Variants in PTK2B observed in about 807,000 individuals in gnomAD.
PTK2B encodes protein-tyrosine kinase 2-beta.
PTK2B carries 71 observed loss-of-function variants against 142.9 expected under a neutral mutation model. The ratio of observed to expected loss-of-function variants is 0.50; its 90% CI spans 0.41 to 0.61. The LOEUF is 0.61. Among genes scored for constraint, PTK2B ranks in the 20% least tolerant of loss-of-function variants. The probability of loss-of-function intolerance (pLI) is 0.00; values close to 1 mark genes in which losing one functional copy is unlikely to be tolerated. For missense variants in PTK2B, 1,105 were observed against 1,320.4 expected, an observed-to-expected ratio of 0.84 and a Z score of 2.53; for synonymous variants, 519 against 503.4, an observed-to-expected ratio of 1.03 and a Z score of -0.42.
At chr8:27,337,469 C>T (rs1450206762) in intron 1 of PTK2B, among the ~76,000 whole-genome samples, 1 of 152,126 alleles carries the variant, frequency 6.6e-6, no homozygotes, top group Admixed American at 6.5e-5. Flanking sequence ...AGAATATTCT[C>T]GTCACTCCAA....
At chr8:27,411,002 G>T (rs1291914572) in intron 2 of PTK2B, among the ~76,000 whole-genome samples, 2 of 152,252 alleles carry the variant, frequency 1.3e-5, no homozygotes, top group Non-Finnish European at 2.9e-5. Context: ...AAGCCCTCCT[G>T]TGGGAAGAAG....
At chr8:27,311,176 G>C (rs202177601), upstream of PTK2B, 93 of 1,606,426 alleles carry the variant, frequency 5.8e-5, no homozygotes, top group East Asian at 1.4e-3. Flanking sequence ...AGACGGCGCA[G>C]AGCAACTCCT....
At chr8:27,450,641 C>A in intron 24 of PTK2B, 108 bp from the exon 25 acceptor site, 1 of 1,387,516 alleles carries the variant, frequency 7.2e-7, no homozygotes. Context: ...AAGCAGCTGG[C>A]CAGGCCAAGG....
At chr8:27,418,288 C>T (rs575478871) in intron 2 of PTK2B, among the ~76,000 whole-genome samples, 2 of 152,242 alleles carry the variant, frequency 1.3e-5, no homozygotes, top group African/African-American at 4.8e-5. Context: ...TAGCCCGAGA[C>T]AGATGGGTGC....
Position 27,430,006 on chromosome 8 carries a change from G to C in PTK2B, c.552-87G>C, listed in dbSNP as rs545887914. 4 of 1,208,236 alleles carry C rather than the reference G, an allele frequency of 3.3e-6. No homozygotes were observed. In the African/African-American group the frequency reaches 6.0e-5, roughly 18 times the overall value. The allele number at this position is 1,208,236 out of a possible 1,614,324, so 74.8% of individuals were successfully genotyped here. A position where few individuals can be genotyped will look rare whatever the true frequency, so the allele number is the denominator to read the frequency against. ...ATGATTCCCACGTATGGCAGGGGAA[G>C]GGGGCTTCTGGTGGCATGAGGTGCC... is the stretch of plus-strand genomic sequence containing the variant. On this transcript the variant is annotated intron_variant, in intron 5 of 30. Transcript: ENST00000346049.
At position 27,431,274 on chromosome 8, in the gene PTK2B, G is replaced by A. The variant is rs904009992; in HGVS notation, c.811-124G>A. The A allele has an allele frequency of 3.7e-5, 57 of 1,557,742 alleles. No homozygotes were observed. In the East Asian group the frequency reaches 3.7e-4, roughly 10 times the overall value. On this transcript the variant is annotated intron_variant, in intron 8 of 30. Coordinates refer to ENST00000346049, the MANE Select transcript of PTK2B (RefSeq NM_173176.3). The stretch of plus-strand genomic sequence containing the variant: ...GGAAGATCCATATGGCCAGGGTTTC[G>A]GTGAGAAGGAGCTGGAGACCCAGGA...
chr8:27,339,735 G>A (rs944042798), intron 1 of PTK2B, among the ~76,000 whole-genome samples: 1 of 152,242 alleles, frequency 6.6e-6, no homozygotes, highest in Admixed American at 6.5e-5. Context: ...GGATCAGGGG[G>A]TCAGGGACAG....
At chr8:27,420,545 C>T (rs911011226) in intron 3 of PTK2B, 112 bp from the exon 4 acceptor site, 1 of 987,992 alleles carries the variant, frequency 1.0e-6, no homozygotes, top group Non-Finnish European at 1.6e-6. Context: ...GACTCATGGG[C>T]AGCCCTTCCC....
chr8:27,429,406 T>A (rs1454886582), intron 5 of PTK2B, among the ~76,000 whole-genome samples: 1 of 152,194 alleles, frequency 6.6e-6, no homozygotes, highest in African/African-American at 2.4e-5. Flanking sequence ...TCAATGAAAT[T>A]ACTAGTCACA....
chr8:27,376,463 A>C (rs1455502043), intron 1 of PTK2B, among the ~76,000 whole-genome samples: 1 of 152,216 alleles, frequency 6.6e-6, no homozygotes, highest in Non-Finnish European at 1.5e-5. Flanking sequence ...GAGGCATGTG[A>C]ACCAGAGCAA....
At chr8:27,352,133 C>T (rs1187783004) in intron 1 of PTK2B, among the ~76,000 whole-genome samples, 1 of 152,196 alleles carries the variant, frequency 6.6e-6, no homozygotes, top group African/African-American at 2.4e-5. Context: ...GACCAAACAC[C>T]CTTCTGCTCT....
intron 25 of PTK2B, 59 bp downstream of exon 25, chr8:27,450,954 C>T: frequency 6.2e-7 from 1 of 1,612,440 alleles, no homozygotes; most frequent in Non-Finnish European, 8.5e-7. Flanking sequence ...CTTCCACCTC[C>T]CCAGGTGGCT....
intron 14 of PTK2B, 123 bp from the exon 15 acceptor site, chr8:27,436,128 C>G: frequency 1.1e-6 from 1 of 948,968 alleles, no homozygotes; most frequent in Non-Finnish European, 1.7e-6. Flanking sequence ...AGCCCAGTCC[C>G]TGGATCTTGG....
intron 3 of PTK2B, among the ~76,000 whole-genome samples, chr8:27,319,817 T>C (rs771541099): frequency 2.6e-5 from 4 of 152,170 alleles, no homozygotes; most frequent in Non-Finnish European, 2.9e-5. Flanking sequence ...TTAACTTATA[T>C]CTAAAAGAAA....
At chr8:27,378,301 G>A (rs10106782) in intron 1 of PTK2B, among the ~76,000 whole-genome samples, 60,704 of 152,106 alleles carry the variant, frequency 0.4, 13,877 homozygotes, top group Non-Finnish European at 0.53. Flanking sequence ...AGACCTTAAG[G>A]AATCTTGGGC....
intron 20 of PTK2B, among the ~76,000 whole-genome samples, chr8:27,439,973 A>G (rs1034881759): frequency 1.2e-4 from 18 of 152,258 alleles, no homozygotes; most frequent in African/African-American, 4.1e-4. Flanking sequence ...TGTGGTCCCA[A>G]TAGCATGCCA....
At chr8:27,453,088 C>A (rs1238409896) in intron 27 of PTK2B, 26 bp from the exon 28 acceptor site, 4 of 1,613,256 alleles carry the variant, frequency 2.5e-6, no homozygotes, top group African/African-American at 2.7e-5. Context: ...AGAACTGCCC[C>A]CCACTTGCTG....
chr8:27,450,748 G>A lies in PTK2B; in HGVS notation c.2341-1G>A. ...CTCCCTTCTCTCTGCCGTCCTCCCA[G>A]GAGGAGGACTTCATCCAACCCAGCA... On this transcript the variant is annotated splice_acceptor_variant, in intron 24 of 30. Transcript: ENST00000346049. LOFTEE classifies it high-confidence loss of function. The A allele has an allele frequency of 6.2e-7, 1 of 1,613,054 alleles. No individual in the cohort carries two copies. The highest frequency in any genetic ancestry group is 8.5e-7 in the Non-Finnish European group (1 of 1,178,986).
chr8:27,335,139 A>T (rs180928678), intron 1 of PTK2B, among the ~76,000 whole-genome samples: 1 of 152,204 alleles, frequency 6.6e-6, no homozygotes, highest in African/African-American at 2.4e-5. Flanking sequence ...TTTGACCTCC[A>T]GTGTACACAG....
Sources: allele counts gnomAD v4.1 joint callset (sites outside exome capture counted in the v4.1 genomes callset), GRCh38; gene constraint gnomAD v4.1.1; transcripts MANE v1.5; gene names NCBI Gene and HGNC (gene_info 2026-07-23, HGNC 2026-07-21).